CPPED1: variants seen among roughly 807,000 people sequenced by gnomAD.
CPPED1 encodes serine/threonine-protein phosphatase CPPED1.
A neutral mutation model predicts 28.0 loss-of-function variants in CPPED1; 28 were observed. The observed-to-expected ratio is 1.00, with a 90% CI of 0.74 to 1.37. The LOEUF is 1.37. CPPED1 is among the 40% of genes most tolerant of loss of function. CPPED1 has a pLI of 0.00. For synonymous variants in CPPED1, 198 were observed against 180.2 expected (o/e 1.10, Z -0.79); for missense variants, 504 against 416.5 (o/e 1.21, Z -1.83).
chr16:12,745,115 T>C (rs969433171), intron 2 of CPPED1, among the ~76,000 whole-genome samples: 2 of 152,110 alleles, frequency 1.3e-5, no homozygotes, highest in African/African-American at 4.8e-5. Context: ...TCTCGGAGTA[T>C]CAGTGAGCTG....
chr16:12,667,518 C>T (rs1382983954), intron 3 of CPPED1, among the ~76,000 whole-genome samples: 1 of 152,164 alleles, frequency 6.6e-6, no homozygotes, highest in East Asian at 1.9e-4. Flanking sequence ...CTTTGAGAGG[C>T]TGAGGTGCAA....
At chr16:12,751,487 C>T (rs1410418513) in intron 2 of CPPED1, among the ~76,000 whole-genome samples, 1 of 152,200 alleles carries the variant, frequency 6.6e-6, no homozygotes, top group African/African-American at 2.4e-5. Context: ...TTGCTACTGA[C>T]CTTTCCTCCT....
At chr16:12,798,588 T>G (rs184297438) in intron 1 of CPPED1, among the ~76,000 whole-genome samples, 1 of 152,332 alleles carries the variant, frequency 6.6e-6, no homozygotes, top group Admixed American at 6.5e-5. Context: ...TTCCATCAGC[T>G]TCTTAGGAAT....
chr16:12,694,258 C>T (rs1037954292), intron 3 of CPPED1, among the ~76,000 whole-genome samples: 1 of 152,156 alleles, frequency 6.6e-6, no homozygotes, highest in Non-Finnish European at 1.5e-5. Flanking sequence ...GAGCAATCTA[C>T]AACCTCAGAG....
In CPPED1 at chr16:12,779,281, C is replaced by T. The variant is rs922376923; in HGVS notation, c.289+1904G>A. Among the ~76,000 whole-genome samples the T allele has an allele frequency of 3.9e-5, 6 of 152,174 alleles. No individual in the cohort carries two copies. The South Asian group carries it at 6.2e-4, about 16-fold the overall frequency. On this transcript the variant is annotated intron_variant, in intron 2 of 3. Transcript: ENST00000381774. ...GTCTGGAGGCTGGAGTGCAGTGGTA[C>T]GATCATGGCTCACTGTAGCCTCAAA...
chr16:12,776,943 A>T (rs2080501653), intron 2 of CPPED1, among the ~76,000 whole-genome samples: 1 of 152,144 alleles, frequency 6.6e-6, no homozygotes. Context: ...GCCTTTCGCC[A>T]TCTGCCATGA....
intron 1 of CPPED1, among the ~76,000 whole-genome samples, chr16:12,791,899 T>A (rs1291375816): frequency 6.6e-6 from 1 of 151,878 alleles, no homozygotes; most frequent in Non-Finnish European, 1.5e-5. Context: ...GGATCCCCAC[T>A]CATCCACTCA....
At chr16:12,734,000 C>G (rs2080212830) in intron 2 of CPPED1, among the ~76,000 whole-genome samples, 1 of 143,812 alleles carries the variant, frequency 7.0e-6, no homozygotes, top group Non-Finnish European at 1.5e-5. Context: ...TTAATTGCTT[C>G]TAGTTGGCAA....
chr16:12,692,179 A>G (rs2079967198), intron 3 of CPPED1, among the ~76,000 whole-genome samples: 1 of 152,106 alleles, frequency 6.6e-6, no homozygotes, highest in Non-Finnish European at 1.5e-5. Context: ...TAAATGACCA[A>G]TGGAGTCACA....
intron 2 of CPPED1, among the ~76,000 whole-genome samples, chr16:12,715,377 A>C (rs1445980605): frequency 6.6e-6 from 1 of 152,134 alleles, no homozygotes; most frequent in East Asian, 1.9e-4. Context: ...TATAGCTTTT[A>C]GGCTGGGTGT....
chr16:12,689,790 A>T (rs1409092559), intron 3 of CPPED1, among the ~76,000 whole-genome samples: 1 of 152,020 alleles, frequency 6.6e-6, no homozygotes, highest in Non-Finnish European at 1.5e-5. Context: ...TCAGAAACAG[A>T]CTCTTATGAA....
intron 3 of CPPED1, among the ~76,000 whole-genome samples, chr16:12,671,994 G>A (rs2079855116): frequency 6.6e-6 from 1 of 152,180 alleles, no homozygotes; most frequent in South Asian, 2.1e-4. Context: ...CCTTACCATT[G>A]TGTTATGGTT....
chr16:12,707,808 T>TA (rs200395070), intron 2 of CPPED1, among the ~76,000 whole-genome samples: 79 of 148,446 alleles, frequency 5.3e-4, no homozygotes, highest in East Asian at 5.9e-4. Context: ...AGTAATCTGT[T>TA]AAAAAAAAAA....
chr16:12,672,429 G>T (rs184731047), intron 3 of CPPED1, among the ~76,000 whole-genome samples: 1 of 152,186 alleles, frequency 6.6e-6, no homozygotes, highest in Non-Finnish European at 1.5e-5. Context: ...GACATTATGC[G>T]CATTTTTTAA....
chr16:12,738,205 G>C (rs1032805468), intron 2 of CPPED1, among the ~76,000 whole-genome samples: 2 of 152,106 alleles, frequency 1.3e-5, no homozygotes, highest in Non-Finnish European at 2.9e-5. Context: ...AATGATGCTT[G>C]TAATAATAAG....
At chr16:12,767,968 CA>C (rs995347597) in intron 2 of CPPED1, among the ~76,000 whole-genome samples, 1 of 151,898 alleles carries the variant, frequency 6.6e-6, no homozygotes. Flanking sequence ...AAACAAAAAA[CA>C]AAAAAACCCC....
chr16:12,734,002 A>T (rs919150125), intron 2 of CPPED1, among the ~76,000 whole-genome samples: 16 of 147,176 alleles, frequency 1.1e-4, no homozygotes, highest in African/African-American at 3.0e-4. Flanking sequence ...AATTGCTTCT[A>T]GTTGGCAATA....
At chr16:12,797,061 G>C (rs993588543) in intron 1 of CPPED1, among the ~76,000 whole-genome samples, 1 of 152,166 alleles carries the variant, frequency 6.6e-6, no homozygotes, top group East Asian at 1.9e-4. Context: ...CATCTATGGA[G>C]GTAAATTAGC....
chr16:12,801,276 A>G (rs1316816672), intron 1 of CPPED1, among the ~76,000 whole-genome samples: 1 of 152,098 alleles, frequency 6.6e-6, no homozygotes, highest in Non-Finnish European at 1.5e-5. Context: ...TATTTTTAGT[A>G]CAGATGGAGT....
Sources: gnomAD v4.1 joint callset for allele counts (sites outside exome capture counted in the v4.1 genomes callset) on GRCh38, gnomAD v4.1.1 for gene constraint, MANE v1.5 for transcripts, NCBI Gene and HGNC (gene_info 2026-07-23, HGNC 2026-07-21) for gene names.